Variants in TPST1 observed in about 807,000 individuals in gnomAD.
TPST1 encodes the protein tyrosylprotein sulfotransferase 1.
TPST1 carries 20 observed loss-of-function variants against 34.8 expected under a neutral mutation model. That is an observed-to-expected ratio of 0.57 (90% CI 0.40 to 0.84). The LOEUF (loss-of-function observed/expected upper bound fraction) is 0.84. TPST1 is among the 40% of genes least tolerant of loss of function. The pLI is 0.00. For missense variants in TPST1, 353 were observed against 455.5 expected (o/e 0.78, Z 2.05); for synonymous variants, 152 against 159.4 (o/e 0.95, Z 0.35).
At chr7:66,286,998 T>TC (rs55778297) in intron 3 of TPST1, among the ~76,000 whole-genome samples, 2 of 96,558 alleles carry the variant, frequency 2.1e-5, no homozygotes, top group African/African-American at 8.6e-5. Flanking sequence ...ATACTATCCC[T>TC]CCCCCCTCCC....
chr7:66,277,183 G>T (rs1790837205), intron 2 of TPST1, among the ~76,000 whole-genome samples: 1 of 152,184 alleles, frequency 6.6e-6, no homozygotes, highest in Middle Eastern at 3.4e-3. Context: ...AAGGAGCTTT[G>T]GCTGGTTGGT....
At chr7:66,313,719 C>T (rs1436944245) in intron 3 of TPST1, among the ~76,000 whole-genome samples, 1 of 152,130 alleles carries the variant, frequency 6.6e-6, no homozygotes, top group Non-Finnish European at 1.5e-5. Flanking sequence ...TAAAAACTTA[C>T]AGAAAGGCTG....
chr7:66,252,459 A>T (rs1414319837), intron 2 of TPST1, among the ~76,000 whole-genome samples: 1 of 149,236 alleles, frequency 6.7e-6, no homozygotes, highest in Non-Finnish European at 1.5e-5. Context: ...CTCCTGCCTC[A>T]GTCTCCCAAG....
At chr7:66,319,423 C>T (rs55912528) in intron 3 of TPST1, among the ~76,000 whole-genome samples, 1 of 152,148 alleles carries the variant, frequency 6.6e-6, no homozygotes, top group East Asian at 1.9e-4. Flanking sequence ...AAAAAATACT[C>T]TTTTGTTCCT....
chr7:66,229,311 T>A (rs943945024), intron 1 of TPST1, among the ~76,000 whole-genome samples: 1 of 152,056 alleles, frequency 6.6e-6, no homozygotes, highest in Non-Finnish European at 1.5e-5. Flanking sequence ...GGGGTTTCAC[T>A]GTGTTAGCCA....
chr7:66,215,055 TTA>T (rs576898295), intron 1 of TPST1, among the ~76,000 whole-genome samples: 6 of 147,172 alleles, frequency 4.1e-5, no homozygotes, highest in Admixed American at 6.9e-5. Context: ...TTAAATATAT[TTA>T]TATATATATG....
chr7:66,352,660 C>A, intron 4 of TPST1, 105 bp downstream of exon 4: 2 of 1,547,334 alleles, frequency 1.3e-6, no homozygotes, highest in South Asian at 1.3e-5. Flanking sequence ...ACAAGAAAAC[C>A]AAAAAGAAAA....
At chr7:66,276,701 T>G (rs1790825234) in intron 2 of TPST1, among the ~76,000 whole-genome samples, 3 of 152,160 alleles carry the variant, frequency 2.0e-5, no homozygotes, top group Admixed American at 2.0e-4. Flanking sequence ...CATTTCTAAA[T>G]TCCTGAGCTC....
intron 1 of TPST1, among the ~76,000 whole-genome samples, chr7:66,214,984 A>G (rs1387313549): frequency 6.8e-6 from 1 of 146,914 alleles, no homozygotes; most frequent in African/African-American, 2.5e-5. Context: ...AGATATATGC[A>G]TTAACTATAT....
intron 3 of TPST1, among the ~76,000 whole-genome samples, chr7:66,345,416 C>T (rs991213416): frequency 2.1e-5 from 3 of 139,734 alleles, no homozygotes; most frequent in Non-Finnish European, 4.5e-5. Flanking sequence ...TTGCTTGAAC[C>T]TGGGAGGCAG....
chr7:66,299,660 C>G (rs183454191), intron 3 of TPST1, among the ~76,000 whole-genome samples: 594 of 152,170 alleles, frequency 3.9e-3, no homozygotes, highest in African/African-American at 0.012. Context: ...TTTCTGTGTC[C>G]AGTCTGCTGT....
chr7:66,245,304 G>C (rs1228588590), intron 2 of TPST1, among the ~76,000 whole-genome samples: 1 of 152,154 alleles, frequency 6.6e-6, no homozygotes, highest in Non-Finnish European at 1.5e-5. Context: ...TACAGCATGG[G>C]CAAGTGAGAA....
chr7:66,248,339 C>T (rs1315597802), intron 2 of TPST1, among the ~76,000 whole-genome samples: 3 of 151,834 alleles, frequency 2.0e-5, no homozygotes, highest in African/African-American at 7.3e-5. Flanking sequence ...CTTTAGGCAG[C>T]ATTTAATTTT....
chr7:66,202,594 G>A (rs890170920), upstream of TPST1, among the ~76,000 whole-genome samples: 3 of 152,156 alleles, frequency 2.0e-5, no homozygotes, highest in Non-Finnish European at 2.9e-5. Context: ...GCCTGGCAGG[G>A]GCTGTGCACC....
chr7:66,260,984 A>G (rs890367930), intron 2 of TPST1, among the ~76,000 whole-genome samples: 1 of 152,156 alleles, frequency 6.6e-6, no homozygotes, highest in African/African-American at 2.4e-5. Context: ...TTCTCTCTGT[A>G]TACAGCTCTC....
chr7:66,319,400 G>A (rs1399608606), intron 3 of TPST1, among the ~76,000 whole-genome samples: 2 of 152,088 alleles, frequency 1.3e-5, no homozygotes, highest in African/African-American at 4.8e-5. Flanking sequence ...TTTTTAGCCT[G>A]CCTGCTACTT....
chr7:66,265,956 T>C (rs1477435905), intron 2 of TPST1, among the ~76,000 whole-genome samples: 1 of 152,174 alleles, frequency 6.6e-6, no homozygotes, highest in Non-Finnish European at 1.5e-5. Flanking sequence ...ACTGTGAGAA[T>C]TGTAGCTAGC....
At chr7:66,352,921 C>T in intron 4 of TPST1, 3 of 985,444 alleles carry the variant, frequency 3.0e-6, no homozygotes, top group Non-Finnish European at 2.4e-6. Flanking sequence ...TGTTCCTACT[C>T]TGTGTACTGT....
At chr7:66,270,146 G>C (rs1190108478) in intron 2 of TPST1, among the ~76,000 whole-genome samples, 2 of 152,062 alleles carry the variant, frequency 1.3e-5, no homozygotes, top group Admixed American at 6.6e-5. Flanking sequence ...GCTCCAGGCA[G>C]AGAGAAGAGT....
Sources: allele counts gnomAD v4.1 joint callset (sites outside exome capture counted in the v4.1 genomes callset), GRCh38; gene constraint gnomAD v4.1.1; transcripts MANE v1.5; gene names NCBI Gene and HGNC (gene_info 2026-07-23, HGNC 2026-07-21).